Variants in ARL15 observed in about 807,000 individuals in gnomAD.
ARL15 encodes ARF like GTPase 15, also known as ADP-ribosylation factor-like protein 15.
ARL15 carries 19 observed loss-of-function variants against 25.2 expected under a neutral mutation model. The observed-to-expected ratio is 0.75, with a 90% CI of 0.53 to 1.10. ARL15 has a LOEUF of 1.10. ARL15 is among the 50% of genes least tolerant of loss of function. The probability of loss-of-function intolerance (pLI) is 0.00; values close to 1 mark genes in which losing one functional copy is unlikely to be tolerated. For missense variants in ARL15, 220 were observed against 246.0 expected, an observed-to-expected ratio of 0.89 and a Z score of 0.71; for synonymous variants, 94 against 86.8, an observed-to-expected ratio of 1.08 and a Z score of -0.46.
At chr5:54,265,422 T>G (rs1164873359) in intron 1 of ARL15, among the ~76,000 whole-genome samples, 1 of 152,168 alleles carries the variant, frequency 6.6e-6, no homozygotes, top group Admixed American at 6.5e-5. Context: ...AAAACAATCC[T>G]AAATAATCAC....
chr5:54,200,059 C>A (rs891635602), intron 1 of ARL15, among the ~76,000 whole-genome samples: 1 of 149,116 alleles, frequency 6.7e-6, no homozygotes, highest in Non-Finnish European at 1.5e-5. Context: ...AAACCAAACA[C>A]CGCATGTTCT....
At chr5:54,004,362 G>A (rs1029203951) in intron 4 of ARL15, among the ~76,000 whole-genome samples, 5 of 151,904 alleles carry the variant, frequency 3.3e-5, no homozygotes, top group South Asian at 2.1e-4. Context: ...GCATGGTGGC[G>A]CGTGCCTGTA....
At chr5:54,053,536 T>G (rs1480610450) in intron 4 of ARL15, among the ~76,000 whole-genome samples, 1 of 151,940 alleles carries the variant, frequency 6.6e-6, no homozygotes, top group Non-Finnish European at 1.5e-5. Context: ...GTGGAAAAAG[T>G]GGAGAAACCT....
At chr5:54,046,006 A>G (rs1579734017) in intron 4 of ARL15, among the ~76,000 whole-genome samples, 1 of 152,386 alleles carries the variant, frequency 6.6e-6, no homozygotes, top group South Asian at 2.1e-4. Context: ...TGTAATAAAA[A>G]GAATAGTTCA....
chr5:54,290,681 G>A (rs1199776474), intron 1 of ARL15, among the ~76,000 whole-genome samples: 1 of 152,080 alleles, frequency 6.6e-6, no homozygotes, highest in South Asian at 2.1e-4. Context: ...ACTTTGCCAT[G>A]CATTGTCCAT....
intron 4 of ARL15, among the ~76,000 whole-genome samples, chr5:54,022,228 G>A (rs955954219): frequency 4.6e-5 from 7 of 152,064 alleles, no homozygotes; most frequent in African/African-American, 1.2e-4. Flanking sequence ...GCAAAAATAC[G>A]CGTAAGTATT....
At chr5:53,942,217 G>A (rs1003021864) in intron 4 of ARL15, among the ~76,000 whole-genome samples, 8 of 151,712 alleles carry the variant, frequency 5.3e-5, no homozygotes, top group Non-Finnish European at 1.0e-4. Flanking sequence ...GGTGGGTGGG[G>A]AAGAGAGGGA....
intron 1 of ARL15, among the ~76,000 whole-genome samples, chr5:54,208,649 T>C (rs932510314): frequency 6.6e-6 from 1 of 152,218 alleles, no homozygotes; most frequent in African/African-American, 2.4e-5. Flanking sequence ...GCTAGAGTTC[T>C]ATACCAACTA....
At chr5:53,996,354 C>CCCTGTACCCAGT (rs1748670762) in intron 4 of ARL15, among the ~76,000 whole-genome samples, 3 of 150,842 alleles carry the variant, frequency 2.0e-5, no homozygotes, top group Non-Finnish European at 4.4e-5. Context: ...TGCAGTGGCT[C>CCCTGTACCCAGT]ACACCTGTAA....
chr5:54,251,143 T>C (rs949629281), intron 1 of ARL15, among the ~76,000 whole-genome samples: 41 of 152,030 alleles, frequency 2.7e-4, no homozygotes, highest in African/African-American at 8.9e-4. Flanking sequence ...GCCCCTCCCC[T>C]AATTCAGGTA....
At chr5:53,913,885 G>A (rs139149943) in intron 4 of ARL15, among the ~76,000 whole-genome samples, 66 of 152,106 alleles carry the variant, frequency 4.3e-4, no homozygotes, top group African/African-American at 1.2e-3. Flanking sequence ...AAGTATTCAC[G>A]CTATCTTGAA....
At chr5:54,161,056 G>A (rs1313317803) in intron 2 of ARL15, among the ~76,000 whole-genome samples, 1 of 151,566 alleles carries the variant, frequency 6.6e-6, no homozygotes, top group African/African-American at 2.4e-5. Context: ...AGTTTTCCAT[G>A]GTTTAAATTC....
chr5:53,929,346 G>C (rs1176946404), intron 4 of ARL15, among the ~76,000 whole-genome samples: 1 of 152,150 alleles, frequency 6.6e-6, no homozygotes, highest in Non-Finnish European at 1.5e-5. Flanking sequence ...GTAGTCATTT[G>C]AGAAAAGTAC....
intron 4 of ARL15, among the ~76,000 whole-genome samples, chr5:53,945,852 A>G (rs1038398812): frequency 2.0e-5 from 3 of 152,214 alleles, no homozygotes; most frequent in Non-Finnish European, 4.4e-5. Context: ...AGGACCTTGC[A>G]GGCCAGGCCC....
At chr5:54,012,880 G>GC (rs1749293033) in intron 4 of ARL15, among the ~76,000 whole-genome samples, 3 of 143,242 alleles carry the variant, frequency 2.1e-5, no homozygotes, top group African/African-American at 5.2e-5. Flanking sequence ...GTGCAGTAGT[G>GC]CAATCTCGGC....
intron 4 of ARL15, among the ~76,000 whole-genome samples, chr5:53,935,718 C>T (rs909041413): frequency 2.6e-5 from 4 of 152,220 alleles, no homozygotes; most frequent in Admixed American, 2.6e-4. Context: ...ACAACAACCA[C>T]AGATCCATAT....
intron 1 of ARL15, among the ~76,000 whole-genome samples, chr5:54,180,223 A>G (rs1755015655): frequency 6.6e-6 from 1 of 152,150 alleles, no homozygotes; most frequent in Admixed American, 6.5e-5. Context: ...GTTGGAGGAG[A>G]GTATAGGAGG....
At chr5:53,970,450 C>A (rs890419646) in intron 4 of ARL15, among the ~76,000 whole-genome samples, 1 of 151,938 alleles carries the variant, frequency 6.6e-6, no homozygotes, top group Non-Finnish European at 1.5e-5. Context: ...ATTCTCTCAT[C>A]CTAAACACTA....
intron 4 of ARL15, among the ~76,000 whole-genome samples, chr5:54,085,146 T>C (rs1421098993): frequency 6.6e-6 from 1 of 152,212 alleles, no homozygotes; most frequent in Non-Finnish European, 1.5e-5. Flanking sequence ...GTCTTTTCTG[T>C]ACAGAACAGG....
Sources: allele counts gnomAD v4.1 joint callset (sites outside exome capture counted in the v4.1 genomes callset), GRCh38; gene constraint gnomAD v4.1.1; transcripts MANE v1.5; gene names NCBI Gene and HGNC (gene_info 2026-07-23, HGNC 2026-07-21).